The following CYP11B2 variants were observed in gnomAD, a reference collection of about 807,000 sequenced individuals.
The protein encoded by CYP11B2 is cytochrome P450 family 11 subfamily B member 2.
Under a neutral mutation model 49.3 loss-of-function variants are expected in CYP11B2, and 38 were observed. The ratio of observed to expected loss-of-function variants is 0.77; its 90% CI spans 0.59 to 1.01. The LOEUF (loss-of-function observed/expected upper bound fraction) is 1.01, where lower values mean the gene tolerates loss of function less well. Among genes scored for constraint, CYP11B2 ranks in the 50% least tolerant of loss-of-function variants. CYP11B2 has a pLI of 0.00. For missense variants in CYP11B2, 669 were observed against 655.5 expected (o/e 1.02, Z -0.23); for synonymous variants, 290 against 269.3 (o/e 1.08, Z -0.75).
At chr8:142,913,913 A>G (rs1484083954) in intron 5 of CYP11B2, 9 of 505,200 alleles carry the variant, frequency 1.8e-5, no homozygotes, top group East Asian at 5.4e-5. Context: ...AAGGGTGCCC[A>G]GTGGAGTCCT....
rs780325282 is a variant in CYP11B2 at position 142,912,538 on chromosome 8, G to T, written c.1390C>A (p.Leu464Met). 8 of 1,613,282 alleles carry T rather than the reference G, an allele frequency of 5.0e-6. No homozygotes were observed. Among genetic ancestry groups the T allele is most frequent in the Non-Finnish European group, 5.9e-6 (7 of 1,179,806 alleles). Residue 464 changes from leucine to methionine, a missense_variant, in exon 8 of 9, where the codon CTG (leucine) becomes ATG (methionine). Transcript: ENST00000323110. ...CCCCCAGGCCTGCTTACGTGGTGCA[G>T]CAGCAGCAGCATCTCTGCCTCTGCC... ...RLAEAEMLLLLHHVLKHFLVE... is the reference protein window; with the variant it reads ...RLAEAEMLLLMHHVLKHFLVE...
intron 1 of CYP11B2, 65 bp downstream of exon 1, chr8:142,917,537 G>A: frequency 6.2e-7 from 1 of 1,613,536 alleles, no homozygotes; most frequent in Admixed American, 1.7e-5. Flanking sequence ...TGAGTGCCTG[G>A]CAGGGTCCTG....
In CYP11B2 at chr8:142,917,048, T is replaced by G; in HGVS notation, c.395+11A>C. On this transcript the variant is annotated intron_variant, in intron 2 of 8. Coordinates refer to ENST00000323110, the MANE Select transcript of CYP11B2 (RefSeq NM_000498.3). The stretch of plus-strand genomic sequence containing the variant: ...CTGCTCCCAGCTCTCAGCTCCCAAC[T>G]CGCCGCTTACAACAAGAACACGCCA... 1 of 1,613,890 alleles carries G rather than the reference T, an allele frequency of 6.2e-7. No individual in the cohort carries two copies. The highest frequency in any genetic ancestry group is 8.5e-7 in the Non-Finnish European group (1 of 1,179,932).
intron 2 of CYP11B2, among the ~76,000 whole-genome samples, chr8:142,916,847 G>A (rs758721236): frequency 7.2e-5 from 11 of 152,222 alleles, no homozygotes; most frequent in Non-Finnish European, 1.3e-4. Context: ...AGAGGTGCCC[G>A]TGCCCATTTC....
At chr8:142,917,325 C>CTGTGAAGCCGCTAATCCA in intron 1 of CYP11B2, 111 bp from the exon 2 acceptor site, 1 of 1,433,314 alleles carries the variant, frequency 7.0e-7, no homozygotes, top group Non-Finnish European at 9.7e-7. Context: ...CCTGGATTAG[C>CTGTGAAGCCGCTAATCCA]GGCTTCACAG....
In CYP11B2 at chr8:142,915,206, G is replaced by A. The variant is rs200831024; in HGVS notation, c.435C>T (p.Asn145=). Residue 145 remains asparagine, a synonymous_variant, in exon 3 of 9, where the codon AAC becomes AAT. Coordinates refer to ENST00000323110, the MANE Select transcript of CYP11B2 (RefSeq NM_000498.3). Reference sequence around the variant, plus strand: ...CGGCCTTGGGCGACAGCACATCTGGGTTCAGCCGCAATCGGTTGAAGCGCC... The same window carrying A: ...CGGCCTTGGGCGACAGCACATCTGGATTCAGCCGCAATCGGTTGAAGCGCC... ...PEWRFNRLRL[N]PDVLSPKAVQ... 5.8e-5 allele frequency: 94 copies of A among 1,614,002 alleles called. No individual in the cohort carries two copies. The highest frequency in any genetic ancestry group is 1.2e-4 in the African/African-American group (9 of 75,042).
rs1454580821 is a variant in CYP11B2 at position 142,912,892 on chromosome 8, G to A, written c.1122-7C>T. ...CAGACCCACAGGGTAGAGCCTGGAG[G>A]TGGGGGCATCCATAGAAAGGGTCCT... On this transcript the variant is annotated splice_region_variant and splice_polypyrimidine_tract_variant and intron_variant, in intron 6 of 8. Transcript: ENST00000323110. 6.2e-7 allele frequency: 1 copy of A among 1,612,126 alleles called. No individual in the cohort carries two copies. Among genetic ancestry groups the A allele is most frequent in the Non-Finnish European group, 8.5e-7 (1 of 1,179,020 alleles).
chr8:142,912,498 C>CCGG, intron 8 of CYP11B2, 32 bp downstream of exon 8: 8 of 1,603,480 alleles, frequency 5.0e-6, no homozygotes, highest in Non-Finnish European at 6.0e-6. Context: ...CTCTGCTGCC[C>CCGG]AGGTCCCGCC....
rs561870332 is a variant in CYP11B2, at chr8:142,912,549, A to G, written c.1379T>C (p.Met460Thr). 1.2e-6 allele frequency: 2 copies of G among 1,612,802 alleles called. No individual in the cohort carries two copies. Among genetic ancestry groups the G allele is most frequent in the Admixed American group, 1.7e-5 (1 of 59,946 alleles). ...GCTTACGTGGTGCAGCAGCAGCAGC[A>G]TCTCTGCCTCTGCCAGGCGCCGCCC... ...CLGRRLAEAE[M>T]LLLLHHVLKH... The change falls in exon 8 of 9, where the codon ATG becomes ACG. Residue 460 changes from methionine (M) to threonine (T), a missense_variant. Physicochemically the swap from Met to Thr is moderately conservative, Grantham distance 81. Transcript: ENST00000323110.
chr8:142,913,232 G>T (rs1817573633), intron 6 of CYP11B2, 53 bp downstream of exon 6: 3 of 1,592,282 alleles, frequency 1.9e-6, no homozygotes, highest in Non-Finnish European at 1.7e-6. Context: ...CCCAGTGGGG[G>T]CTGCTCTCCA....
Position 142,913,461 on chromosome 8 carries a change from C to T in CYP11B2, c.955-10G>A. On this transcript the variant is annotated splice_polypyrimidine_tract_variant and intron_variant, in intron 5 of 8. Coordinates refer to ENST00000323110, the MANE Select transcript of CYP11B2 (RefSeq NM_000498.3). The stretch of plus-strand genomic sequence containing the variant: ...GCAAGGGAAACGCTGTCTACAGAAG[C>T]CATGTCTGCAGGGTCAGACCTTGCA... 1 of 1,614,040 alleles carries T rather than the reference C, an allele frequency of 6.2e-7. No individual in the cohort carries two copies. The highest frequency in any genetic ancestry group is 8.5e-7 in the Non-Finnish European group (1 of 1,180,006).
intron 2 of CYP11B2, chr8:142,916,488 A>G (rs1411268101): frequency 2.2e-6 from 1 of 453,194 alleles, no homozygotes; most frequent in Admixed American, 2.4e-5. Flanking sequence ...GCCAGGAAAC[A>G]TCCTCCCCAG....
chr8:142,917,232 AG>A lies in CYP11B2; in HGVS notation c.240-19del. On this transcript the variant is annotated intron_variant, in intron 1 of 8. Transcript: ENST00000323110. ...AGTTGTACCTGTGGGGCCAAGCAGG[AG>A]GCCCTGCTGGACGGGGTCATGTCCC... is the stretch of plus-strand genomic sequence containing the variant. 1 of 1,613,186 alleles carries A rather than the reference AG, an allele frequency of 6.2e-7. No individual in the cohort carries two copies. Among genetic ancestry groups the A allele is most frequent in the Non-Finnish European group, 8.5e-7 (1 of 1,179,530 alleles).
intron 2 of CYP11B2, among the ~76,000 whole-genome samples, chr8:142,915,865 A>G (rs1817635437): frequency 6.6e-6 from 1 of 152,146 alleles, no homozygotes; most frequent in Non-Finnish European, 1.5e-5. Context: ...TGTCAGCCAC[A>G]TTCCTGCAAA....
intron 2 of CYP11B2, among the ~76,000 whole-genome samples, chr8:142,915,974 C>A (rs1420483892): frequency 1.3e-5 from 2 of 152,226 alleles, no homozygotes; most frequent in East Asian, 3.8e-4. Flanking sequence ...GACCTCAACA[C>A]CATGTGTGAA....
intron 5 of CYP11B2, 58 bp downstream of exon 5, chr8:142,914,206 T>G (rs1817594216): frequency 1.2e-6 from 2 of 1,605,256 alleles, no homozygotes; most frequent in South Asian, 1.1e-5. Context: ...TGGCAGGCAG[T>G]GCCTGGGAGG....
At chr8:142,916,324 T>A (rs73715282) in intron 2 of CYP11B2, 4 of 438,422 alleles carry the variant, frequency 9.1e-6, no homozygotes, top group South Asian at 3.3e-5. Flanking sequence ...CTATTCCCAA[T>A]AGCGTTCCCT....
At chr8:142,917,255 T>C (rs758713422) in intron 1 of CYP11B2, 41 bp from the exon 2 acceptor site, 1 of 1,605,802 alleles carries the variant, frequency 6.2e-7, no homozygotes, top group South Asian at 1.1e-5. Flanking sequence ...CGGGGTCATG[T>C]CCCTCGTGGC....
chr8:142,917,801 G>A lies in CYP11B2; in HGVS notation c.40C>T (p.Pro14Ser). 1.2e-6 allele frequency: 2 copies of A among 1,614,152 alleles called. No individual in the cohort carries two copies. Among genetic ancestry groups the A allele is most frequent in the African/African-American group, 1.3e-5 (1 of 75,072 alleles). The stretch of plus-strand genomic sequence containing the variant: ...CGTGCCCTTTGCAGGGACAGCCAGG[G>A]CGCTGCCACGCACACCTCTGCCTTT... Reference protein sequence around the residue: ...RAKAEVCVAAPWLSLQRARAL... With the variant: ...RAKAEVCVAASWLSLQRARAL... The change falls in exon 1 of 9, where the codon CCC (proline) becomes TCC (serine). Residue 14 changes from proline to serine, a missense_variant. Transcript: ENST00000323110.
Sources: allele counts gnomAD v4.1 joint callset (sites outside exome capture counted in the v4.1 genomes callset), GRCh38; gene constraint gnomAD v4.1.1; transcripts MANE v1.5; gene names NCBI Gene and HGNC (gene_info 2026-07-23, HGNC 2026-07-21).